AHCYL2: variants seen among roughly 807,000 people sequenced by gnomAD.
The protein encoded by AHCYL2 is adenosylhomocysteinase like 2.
A neutral mutation model predicts 81.4 loss-of-function variants in AHCYL2; 28 were observed. The ratio of observed to expected loss-of-function variants is 0.34; its 90% confidence interval spans 0.25 to 0.47. AHCYL2 has a LOEUF of 0.47. Among genes scored for constraint, AHCYL2 ranks in the 20% least tolerant of loss-of-function variants. The probability of loss-of-function intolerance (pLI) is 1.00; values close to 1 mark genes in which losing one functional copy is unlikely to be tolerated. For synonymous variants in AHCYL2, 272 were observed against 290.2 expected (o/e 0.94, Z 0.64); for missense variants, 551 against 785.1 (o/e 0.70, Z 3.56).
At chr7:129,289,711 A>T (rs966543348) in intron 1 of AHCYL2, among the ~76,000 whole-genome samples, 3 of 151,994 alleles carry the variant, frequency 2.0e-5, no homozygotes, top group Admixed American at 2.0e-4. Context: ...CTTGGGTTTA[A>T]ACATTTTTGA....
chr7:129,371,917 C>G (rs1794428000), intron 1 of AHCYL2, among the ~76,000 whole-genome samples: 1 of 152,158 alleles, frequency 6.6e-6, no homozygotes, highest in Admixed American at 6.5e-5. Context: ...AATATCTGAA[C>G]CATATCTACT....
intron 5 of AHCYL2, among the ~76,000 whole-genome samples, chr7:129,399,395 C>T (rs533786573): frequency 1.3e-4 from 19 of 150,418 alleles, no homozygotes; most frequent in African/African-American, 4.4e-4. Context: ...TGCAGTGAGC[C>T]GAGATTATGC....
chr7:129,284,136 T>G (rs1287352211), intron 1 of AHCYL2, among the ~76,000 whole-genome samples: 4 of 152,198 alleles, frequency 2.6e-5, no homozygotes, highest in Admixed American at 2.6e-4. Context: ...TGATAAGGAC[T>G]GAATTCTGTT....
At position 129,269,203 on chromosome 7, in the gene AHCYL2, G is replaced by A. The variant is rs906134458; in HGVS notation, c.363+43764G>A. ...TGTGGCACGATGATGGCCCAGTGCA[G>A]CCTCAACCTCCCAGGCTCAAGCCAT... On this transcript the variant is annotated intron_variant, in intron 1 of 16. Coordinates refer to ENST00000325006, the MANE Select transcript of AHCYL2 (RefSeq NM_015328.4). Among the ~76,000 whole-genome samples, 5 of 147,874 alleles carry A rather than the reference G, an allele frequency of 3.4e-5. No individual in the cohort carries two copies. The Admixed American group carries it at 3.4e-4, about 10-fold the overall frequency.
chr7:129,366,313 A>G (rs1794113149), intron 1 of AHCYL2, among the ~76,000 whole-genome samples: 1 of 152,144 alleles, frequency 6.6e-6, no homozygotes, highest in Non-Finnish European at 1.5e-5. Flanking sequence ...ACCTCTGGCC[A>G]TTCATTTGAA....
intron 1 of AHCYL2, among the ~76,000 whole-genome samples, chr7:129,353,047 G>A (rs1005022588): frequency 6.8e-6 from 1 of 146,484 alleles, no homozygotes; most frequent in Non-Finnish European, 1.5e-5. Context: ...CCGGGTTCAA[G>A]CGATTCTCCT....
chr7:129,265,698 G>A (rs1795791336), intron 1 of AHCYL2, among the ~76,000 whole-genome samples: 1 of 152,130 alleles, frequency 6.6e-6, no homozygotes, highest in African/African-American at 2.4e-5. Context: ...TTTAACTTTT[G>A]CTTTAAATGA....
intron 1 of AHCYL2, among the ~76,000 whole-genome samples, chr7:129,323,757 G>A (rs1798118135): frequency 6.6e-6 from 1 of 152,046 alleles, no homozygotes; most frequent in African/African-American, 2.4e-5. Flanking sequence ...TAACATTTAG[G>A]ATTATGTCCT....
chr7:129,344,150 A>G (rs1793282387), intron 1 of AHCYL2, among the ~76,000 whole-genome samples: 1 of 152,224 alleles, frequency 6.6e-6, no homozygotes, highest in Admixed American at 6.5e-5. Context: ...GGTGTGGGAC[A>G]GTTGTAATGA....
chr7:129,394,440 C>CTTTTTTTTTTTTT (rs35797517), intron 4 of AHCYL2, among the ~76,000 whole-genome samples: 9 of 45,744 alleles, frequency 2.0e-4, no homozygotes, highest in African/African-American at 2.5e-4. Flanking sequence ...TTGTATTTGA[C>CTTTTTTTTTTTTT]TTTTTTTTTT....
At chr7:129,257,161 A>G (rs556731498) in intron 1 of AHCYL2, among the ~76,000 whole-genome samples, 17 of 152,340 alleles carry the variant, frequency 1.1e-4, no homozygotes, top group African/African-American at 3.6e-4. Context: ...CATGAACTAT[A>G]GAACCCTCAG....
rs73230600 is a variant in AHCYL2 at position 129,228,396 on chromosome 7, A to G, written c.363+2957A>G. On this transcript the variant is annotated intron_variant, in intron 1 of 16. Coordinates refer to ENST00000325006, the MANE Select transcript of AHCYL2 (RefSeq NM_015328.4). ...GAACATATGGTGTGCAGGTTACTCA[A>G]TCACATCTTATCTTTGGCACCTGCC... 9.6e-3 allele frequency among the ~76,000 whole-genome samples: 1,469 copies of G among 152,312 alleles called. 11 individuals carry two copies. Among genetic ancestry groups the G allele is most frequent in the Non-Finnish European group, 0.015 (991 of 68,028 alleles).
intron 11 of AHCYL2, chr7:129,410,180 C>A: frequency 6.2e-7 from 1 of 1,610,920 alleles, no homozygotes; most frequent in South Asian, 1.1e-5. Flanking sequence ...ATAACCAATC[C>A]GATCATTGAT....
intron 1 of AHCYL2, among the ~76,000 whole-genome samples, chr7:129,360,102 A>AT (rs763145427): frequency 1.1e-3 from 150 of 142,752 alleles, no homozygotes; most frequent in Middle Eastern, 7.0e-3. Flanking sequence ...CTAGCTAGCT[A>AT]TTTTTTTTTA....
At chr7:129,257,267 A>G (rs1251059658) in intron 1 of AHCYL2, among the ~76,000 whole-genome samples, 4 of 152,232 alleles carry the variant, frequency 2.6e-5, no homozygotes, top group African/African-American at 4.8e-5. Flanking sequence ...CCTTTTTAAA[A>G]TAACATTTGC....
chr7:129,306,853 G>A (rs1609043), intron 1 of AHCYL2, among the ~76,000 whole-genome samples: 9,415 of 152,230 alleles, frequency 0.062, 942 homozygotes, highest in African/African-American at 0.21. Context: ...ATACAGACTC[G>A]TAGAGGTATC....
chr7:129,239,833 A>C (rs1198961148), intron 1 of AHCYL2, among the ~76,000 whole-genome samples: 1 of 151,346 alleles, frequency 6.6e-6, no homozygotes. Flanking sequence ...ACACAGAGAC[A>C]CTTCCCCCAT....
chr7:129,255,885 G>T (rs1180820787), intron 1 of AHCYL2, among the ~76,000 whole-genome samples: 1 of 152,036 alleles, frequency 6.6e-6, no homozygotes. Flanking sequence ...AATTGCTTGG[G>T]CCTGGAAAGC....
At chr7:129,264,159 C>A (rs1002464298) in intron 1 of AHCYL2, among the ~76,000 whole-genome samples, 1 of 152,192 alleles carries the variant, frequency 6.6e-6, no homozygotes, top group Non-Finnish European at 1.5e-5. Context: ...GTAGCTGGGA[C>A]TACAGGCACC....
Sources: gnomAD v4.1 joint callset for allele counts (sites outside exome capture counted in the v4.1 genomes callset) on GRCh38, gnomAD v4.1.1 for gene constraint, MANE v1.5 for transcripts, NCBI Gene and HGNC (gene_info 2026-07-23, HGNC 2026-07-21) for gene names.